TFEC: variants seen among roughly 807,000 people sequenced by gnomAD.
TFEC encodes transcription factor EC.
In TFEC, 31 loss-of-function variants were observed where a neutral mutation model predicts 41.6. The observed-to-expected ratio is 0.74, with a 90% CI of 0.56 to 1.01. The LOEUF (loss-of-function observed/expected upper bound fraction) is 1.01. Among genes scored for constraint, TFEC ranks in the 50% least tolerant of loss-of-function variants. The probability of loss-of-function intolerance (pLI) is 0.00; values close to 1 mark genes in which losing one functional copy is unlikely to be tolerated. For synonymous variants in TFEC, 143 were observed against 140.6 expected (o/e 1.02, Z -0.12); for missense variants, 402 against 404.1 (o/e 0.99, Z 0.04).
chr7:115,941,684 T>C (rs1050945260), intron 7 of TFEC: 16 of 593,758 alleles, frequency 2.7e-5, no homozygotes, highest in Admixed American at 9.2e-5. Context: ...TATACATATA[T>C]ACATATTCAG....
intron 1 of TFEC, among the ~76,000 whole-genome samples, chr7:116,152,737 G>C (rs1323996272): frequency 6.6e-6 from 1 of 152,088 alleles, no homozygotes; most frequent in African/African-American, 2.4e-5. Context: ...GTTGTGAAAG[G>C]ATAAATATGT....
At chr7:116,153,703 C>A (rs1798809279) in intron 1 of TFEC, among the ~76,000 whole-genome samples, 1 of 151,486 alleles carries the variant, frequency 6.6e-6, no homozygotes. Flanking sequence ...TTTTAGCAAA[C>A]CAAATAAAAT....
chr7:116,140,352 T>C (rs550598548), intron 1 of TFEC, among the ~76,000 whole-genome samples: 1 of 152,352 alleles, frequency 6.6e-6, no homozygotes, highest in East Asian at 1.9e-4. Context: ...TTAATCTATG[T>C]GTTCTGTTTA....
chr7:116,083,600 T>C (rs1404289445), intron 3 of TFEC, among the ~76,000 whole-genome samples: 3 of 151,944 alleles, frequency 2.0e-5, no homozygotes, highest in Non-Finnish European at 4.4e-5. Context: ...GGGTCAATAA[T>C]TCAACTTTAT....
At chr7:116,106,024 T>C (rs1263206472) in intron 3 of TFEC, among the ~76,000 whole-genome samples, 1 of 152,060 alleles carries the variant, frequency 6.6e-6, no homozygotes, top group African/African-American at 2.4e-5. Context: ...TACCTCTCTA[T>C]CTTTATCAAC....
intron 3 of TFEC, among the ~76,000 whole-genome samples, chr7:115,961,411 G>T (rs1310828662): frequency 6.6e-6 from 1 of 151,362 alleles, no homozygotes; most frequent in Non-Finnish European, 1.5e-5. Flanking sequence ...GCAAAACAAT[G>T]CTTTAAAGAA....
chr7:116,131,016 G>A (rs1256643700), intron 1 of TFEC, among the ~76,000 whole-genome samples: 1 of 152,134 alleles, frequency 6.6e-6, no homozygotes, highest in Admixed American at 6.5e-5. Context: ...GACACTGTAT[G>A]GATGAACTTT....
At chr7:116,150,991 CTAAACATAATT>C (rs1280099557) in intron 1 of TFEC, among the ~76,000 whole-genome samples, 2 of 152,048 alleles carry the variant, frequency 1.3e-5, no homozygotes, top group African/African-American at 4.8e-5. Context: ...ATTATGAATT[CTAAACATAATT>C]TAAACATAAT....
In TFEC at chr7:115,956,796, T is replaced by C; in HGVS notation, c.268-3A>G. On this transcript the variant is annotated splice_polypyrimidine_tract_variant and splice_region_variant and intron_variant, in intron 3 of 7. Transcript: ENST00000265440. Reference sequence around the variant, plus strand: ...ACATCCAAAATACTTCCAGATAACTTGAGAGGAAAAAGGAAGAAAAGATTA... The same window carrying C: ...ACATCCAAAATACTTCCAGATAACTCGAGAGGAAAAAGGAAGAAAAGATTA... 1 of 1,552,846 alleles carries C rather than the reference T, an allele frequency of 6.4e-7. No homozygotes were observed. The highest frequency in any genetic ancestry group is 1.3e-5 in the South Asian group (1 of 79,638).
chr7:116,008,853 C>T (rs34180658), intron 1 of TFEC, among the ~76,000 whole-genome samples: 20,834 of 152,060 alleles, frequency 0.14, 1,922 homozygotes, highest in Non-Finnish European at 0.21. Context: ...ATTTCAGCTG[C>T]GTATTATATA....
At chr7:116,111,905 A>G in intron 2 of TFEC, 1 of 604,452 alleles carries the variant, frequency 1.7e-6, no homozygotes, top group South Asian at 7.3e-5. Flanking sequence ...ATCATACCAC[A>G]CCCTGGTAAA....
At chr7:116,025,800 T>C (rs1795563109) in intron 1 of TFEC, among the ~76,000 whole-genome samples, 1 of 152,198 alleles carries the variant, frequency 6.6e-6, no homozygotes, top group Non-Finnish European at 1.5e-5. Context: ...CAGTAAAAAA[T>C]GTAGTAGTAC....
chr7:116,063,895 C>T (rs1796630873), intron 3 of TFEC, among the ~76,000 whole-genome samples: 1 of 152,112 alleles, frequency 6.6e-6, no homozygotes, highest in Non-Finnish European at 1.5e-5. Flanking sequence ...TATAACGCTA[C>T]AATGAACATG....
chr7:115,953,858 G>A (rs1792076908), intron 5 of TFEC, among the ~76,000 whole-genome samples: 1 of 152,042 alleles, frequency 6.6e-6, no homozygotes, highest in South Asian at 2.1e-4. Flanking sequence ...AAGGAAATTA[G>A]TCATTAGTTT....
chr7:115,969,660 G>T (rs1022493533), intron 3 of TFEC, among the ~76,000 whole-genome samples: 14 of 151,954 alleles, frequency 9.2e-5, no homozygotes, highest in Non-Finnish European at 1.5e-5. Context: ...AAAATGTTAA[G>T]CAAGGAGAAA....
At chr7:116,110,116 A>G (rs1797818817) in intron 3 of TFEC, among the ~76,000 whole-genome samples, 1 of 152,182 alleles carries the variant, frequency 6.6e-6, no homozygotes, top group Non-Finnish European at 1.5e-5. Flanking sequence ...TAGGAGATAT[A>G]CCTAATGTAA....
At chr7:115,959,450 A>G (rs1350767177) in intron 3 of TFEC, among the ~76,000 whole-genome samples, 1 of 151,800 alleles carries the variant, frequency 6.6e-6, no homozygotes, top group East Asian at 1.9e-4. Flanking sequence ...TGAAACAAAT[A>G]GAGTCTAACC....
Position 115,940,022 on chromosome 7 carries a change from G to A in TFEC, c.*529C>T, listed in dbSNP as rs1009217216. On this transcript the variant is annotated 3_prime_UTR_variant, in exon 8 of 8. Coordinates refer to ENST00000265440, the MANE Select transcript of TFEC (RefSeq NM_012252.4). ...GTAGATTTGCCTTTCAACCACAAGT[G>A]ACAGATAATCTATTATACATTTATT... 1 of 152,026 alleles carries A rather than the reference G, an allele frequency of 6.6e-6. No homozygotes were observed. Among genetic ancestry groups the A allele is most frequent in the Non-Finnish European group, 1.5e-5 (1 of 68,002 alleles). 9.4% of individuals were successfully genotyped at this position (152,026 alleles called of 1,614,324 possible).
chr7:115,953,684 C>T (rs1792067506), intron 5 of TFEC, among the ~76,000 whole-genome samples: 1 of 151,924 alleles, frequency 6.6e-6, no homozygotes, highest in Non-Finnish European at 1.5e-5. Context: ...GACACTAAAG[C>T]CTTTGAGAAT....
Sources: allele counts gnomAD v4.1 joint callset (sites outside exome capture counted in the v4.1 genomes callset), GRCh38; gene constraint gnomAD v4.1.1; transcripts MANE v1.5; gene names NCBI Gene and HGNC (gene_info 2026-07-23, HGNC 2026-07-21).